The following LINC00305 variants were observed in gnomAD, a reference collection of about 807,000 sequenced individuals.
LINC00305 encodes the protein long intergenic non-protein coding RNA 305.
At chr18:64,117,085 C>T (rs1355731165) in intron 1 of LINC00305, among the ~76,000 whole-genome samples, 1 of 152,156 alleles carries the variant, frequency 6.6e-6, no homozygotes, top group African/African-American at 2.4e-5. Flanking sequence ...CTAATAAATC[C>T]GGTGGCTGAA....
chr18:64,127,437 C>T (rs1011205926), intron 1 of LINC00305: 5 of 152,242 alleles, frequency 3.3e-5, no homozygotes, highest in African/African-American at 1.2e-4. Context: ...GGCCACACCA[C>T]TGGTAAGTGA....
At chr18:64,096,214 G>A (rs1369944385) in intron 3 of LINC00305, among the ~76,000 whole-genome samples, 2 of 151,888 alleles carry the variant, frequency 1.3e-5, no homozygotes, top group African/African-American at 4.8e-5. Flanking sequence ...AAGAAATGAA[G>A]ATTTAGTCTT....
chr18:64,100,355 T>G (rs1035546241), intron 1 of LINC00305, among the ~76,000 whole-genome samples: 12 of 152,176 alleles, frequency 7.9e-5, no homozygotes, highest in Admixed American at 3.3e-4. Flanking sequence ...TGAAACTTCT[T>G]GAAAGTATGA....
At chr18:64,132,476 C>T (rs896346391) in intron 1 of LINC00305, among the ~76,000 whole-genome samples, 1 of 152,136 alleles carries the variant, frequency 6.6e-6, no homozygotes, top group African/African-American at 2.4e-5. Flanking sequence ...TCCGTACATA[C>T]GTCACCTTGT....
intron 3 of LINC00305, among the ~76,000 whole-genome samples, chr18:64,089,512 T>C (rs1209430727): frequency 2.6e-5 from 4 of 152,194 alleles, no homozygotes; most frequent in Admixed American, 2.6e-4. Context: ...CTCTAGGCTC[T>C]CTGTTGGCTA....
chr18:64,139,806 T>C (rs1233499049), intron 1 of LINC00305, among the ~76,000 whole-genome samples: 1 of 152,038 alleles, frequency 6.6e-6, no homozygotes, highest in Admixed American at 6.6e-5. Context: ...TAGAAACAAC[T>C]TCCAAGAATC....
intron 1 of LINC00305, among the ~76,000 whole-genome samples, chr18:64,135,750 A>C (rs1380866330): frequency 6.6e-6 from 1 of 151,702 alleles, no homozygotes; most frequent in East Asian, 1.9e-4. Flanking sequence ...CATGCCTGGC[A>C]ATTTTTTATA....
chr18:64,092,310 C>T (rs907741195), intron 3 of LINC00305, among the ~76,000 whole-genome samples: 21 of 152,232 alleles, frequency 1.4e-4, no homozygotes, highest in Non-Finnish European at 2.8e-4. Context: ...CGCCTGTAAT[C>T]CCAGCACTCT....
rs35340500 is a variant in LINC00305, at chr18:64,112,335, CAAA to C, written n.315-13698_315-13696del. 8.8e-3 allele frequency among the ~76,000 whole-genome samples: 958 copies of C among 109,146 alleles called. 13 individuals carry two copies. Among genetic ancestry groups the C allele is most frequent in the African/African-American group, 0.033 (915 of 27,714 alleles). 71.6% of individuals were successfully genotyped at this position (109,146 alleles called of 152,430 possible). A position where few individuals can be genotyped will look rare whatever the true frequency, so the allele number is the denominator to read the frequency against. ...AAACGTTTCCATTTTGCACATTGCT[CAAA>C]AAAAAAAAAAAAAAAAATCCTACCT... On this transcript the variant is annotated intron_variant and non_coding_transcript_variant, in intron 1 of 3. Coordinates refer to ENST00000666468, the Ensembl canonical transcript of LINC00305.
chr18:64,083,427 C>T (rs1434117812), intron 3 of LINC00305, among the ~76,000 whole-genome samples: 2 of 152,156 alleles, frequency 1.3e-5, no homozygotes, highest in East Asian at 1.9e-4. Flanking sequence ...GTTCTCATAC[C>T]GTGTGGTCTT....
At chr18:64,116,772 T>A (rs2051339660) in intron 1 of LINC00305, among the ~76,000 whole-genome samples, 1 of 152,184 alleles carries the variant, frequency 6.6e-6, no homozygotes, top group Admixed American at 6.5e-5. Context: ...GCTTTGACAG[T>A]CCAGTGAAAA....
At chr18:64,115,793 A>C (rs1422433409) in intron 1 of LINC00305, among the ~76,000 whole-genome samples, 1 of 152,170 alleles carries the variant, frequency 6.6e-6, no homozygotes, top group African/African-American at 2.4e-5. Context: ...TGAAAATCTC[A>C]TTAAAAGCTT....
intron 1 of LINC00305, among the ~76,000 whole-genome samples, chr18:64,144,479 A>T (rs2144284026): frequency 6.6e-6 from 1 of 152,326 alleles, no homozygotes; most frequent in East Asian, 1.9e-4. Context: ...CCTGTATCAG[A>T]CATGTAATTT....
At chr18:64,093,610 A>G (rs542506545) in intron 3 of LINC00305, among the ~76,000 whole-genome samples, 3 of 152,352 alleles carry the variant, frequency 2.0e-5, no homozygotes, top group South Asian at 2.1e-4. Context: ...CTGGGATCAC[A>G]GGCATGAGCC....
chr18:64,102,549 A>G (rs2051271386), intron 1 of LINC00305, among the ~76,000 whole-genome samples: 1 of 152,218 alleles, frequency 6.6e-6, no homozygotes, highest in African/African-American at 2.4e-5. Flanking sequence ...GCTAAAAATC[A>G]GGATAGGTGG....
At chr18:64,092,311 C>G (rs1274896875) in intron 3 of LINC00305, among the ~76,000 whole-genome samples, 1 of 152,224 alleles carries the variant, frequency 6.6e-6, no homozygotes, top group Non-Finnish European at 1.5e-5. Flanking sequence ...GCCTGTAATC[C>G]CAGCACTCTG....
chr18:64,131,284 TA>T (rs1279517701), intron 1 of LINC00305, among the ~76,000 whole-genome samples: 9 of 152,242 alleles, frequency 5.9e-5, no homozygotes, highest in Admixed American at 2.6e-4. Context: ...TTCATTTCTT[TA>T]TCATTTTAGA....
In LINC00305 at chr18:64,114,783, A is replaced by C. The variant is rs2051330542; in HGVS notation, n.315-16143T>G. On this transcript the variant is annotated intron_variant and non_coding_transcript_variant, in intron 1 of 3. Transcript: ENST00000666468. Reference sequence around the variant, plus strand: ...AGGCTGGTCTCGAACTCCTGACCTCAGATGATCCACCTGCCTCGGCCTCCC... The same window carrying C: ...AGGCTGGTCTCGAACTCCTGACCTCCGATGATCCACCTGCCTCGGCCTCCC... Among the ~76,000 whole-genome samples the C allele has an allele frequency of 2.0e-5, 3 of 152,224 alleles. No individual in the cohort carries two copies. The South Asian group carries it at 6.2e-4, about 32-fold the overall frequency.
In LINC00305 at chr18:64,111,018, G is replaced by C. The variant is rs550272548; in HGVS notation, n.315-12378C>G. Among the ~76,000 whole-genome samples, 8 of 152,298 alleles carry C rather than the reference G, an allele frequency of 5.3e-5. No homozygotes were observed. In the East Asian group the frequency reaches 1.4e-3, roughly 26 times the overall value. Reference sequence around the variant, plus strand: ...CTCTGTGTGGTGCTTTCTGAGAACAGAGTGGGTCTGTATTTTGTTAAATGT... The same window carrying C: ...CTCTGTGTGGTGCTTTCTGAGAACACAGTGGGTCTGTATTTTGTTAAATGT... On this transcript the variant is annotated intron_variant and non_coding_transcript_variant, in intron 1 of 3. Transcript: ENST00000666468.
Sources: allele counts gnomAD v4.1 joint callset (sites outside exome capture counted in the v4.1 genomes callset), GRCh38; gene constraint gnomAD v4.1.1; transcripts MANE v1.5; gene names NCBI Gene and HGNC (gene_info 2026-07-23, HGNC 2026-07-21).